Variants in CHST8 observed in about 807,000 individuals in gnomAD.
The protein encoded by CHST8 is carbohydrate sulfotransferase 8.
Under a neutral mutation model 15.0 loss-of-function variants are expected in CHST8, and 10 were observed. That is an observed-to-expected ratio of 0.67 (90% CI 0.41 to 1.13). The LOEUF is 1.13. Ranked by LOEUF, CHST8 falls within the 50% of genes most tolerant of loss-of-function variation. The pLI is 0.00. For synonymous variants in CHST8, 259 were observed against 256.6 expected (o/e 1.01, Z -0.09); for missense variants, 634 against 608.2 (o/e 1.04, Z -0.45).
chr19:33,750,604 AG>A (rs1238342282), intron 3 of CHST8, among the ~76,000 whole-genome samples: 6 of 152,176 alleles, frequency 3.9e-5, no homozygotes, highest in Admixed American at 1.3e-4. Flanking sequence ...GTTTCCCATC[AG>A]GGTCCAGAAG....
chr19:33,736,928 A>T (rs1314227633), intron 3 of CHST8, among the ~76,000 whole-genome samples: 1 of 152,110 alleles, frequency 6.6e-6, no homozygotes, highest in Non-Finnish European at 1.5e-5. Context: ...AACCCGCCAA[A>T]ACCAAAGGTG....
intron 3 of CHST8, among the ~76,000 whole-genome samples, chr19:33,721,609 G>C (rs1263961167): frequency 1.5e-5 from 2 of 135,176 alleles, no homozygotes; most frequent in African/African-American, 5.4e-5. Context: ...TGGATGGATG[G>C]ATGAGTAGGC....
At chr19:33,769,307 T>A (rs532903664) in intron 3 of CHST8, among the ~76,000 whole-genome samples, 1 of 152,348 alleles carries the variant, frequency 6.6e-6, no homozygotes, top group Admixed American at 6.5e-5. Context: ...AAATCTGGCA[T>A]GACTCATTTG....
intron 1 of CHST8, among the ~76,000 whole-genome samples, chr19:33,651,495 C>T (rs1036054561): frequency 2.0e-4 from 30 of 151,930 alleles, no homozygotes; most frequent in Admixed American, 1.8e-3. Context: ...TGCAGCAAAC[C>T]ATGTTAATAT....
At chr19:33,745,682 C>T (rs1175052648) in intron 3 of CHST8, among the ~76,000 whole-genome samples, 1 of 152,248 alleles carries the variant, frequency 6.6e-6, no homozygotes, top group Non-Finnish European at 1.5e-5. Context: ...TTTAGTCTGC[C>T]AGTCCCACAG....
chr19:33,638,631 C>T (rs1972238261), intron 1 of CHST8, among the ~76,000 whole-genome samples: 1 of 152,196 alleles, frequency 6.6e-6, no homozygotes, highest in Non-Finnish European at 1.5e-5. Flanking sequence ...ATTTCAATCA[C>T]AATGTTCTTG....
chr19:33,656,929 C>G (rs1462140453), intron 1 of CHST8, among the ~76,000 whole-genome samples: 1 of 152,104 alleles, frequency 6.6e-6, no homozygotes, highest in Non-Finnish European at 1.5e-5. Flanking sequence ...TTGCTAGTTA[C>G]AGGAATATGT....
intron 1 of CHST8, among the ~76,000 whole-genome samples, chr19:33,654,256 C>A (rs1193312843): frequency 6.6e-6 from 1 of 152,068 alleles, no homozygotes; most frequent in African/African-American, 2.4e-5. Flanking sequence ...TTATTTTACT[C>A]ATTTTATAAT....
Position 33,686,239 on chromosome 19 carries a change from G to A in CHST8, c.-86-2937G>A, listed in dbSNP as rs553641760. Among the ~76,000 whole-genome samples, 16 of 152,322 alleles carry A rather than the reference G, an allele frequency of 1.1e-4. No individual in the cohort carries two copies. The South Asian group carries it at 3.1e-3, about 30-fold the overall frequency. On this transcript the variant is annotated intron_variant, in intron 2 of 4. Coordinates refer to ENST00000650847, the MANE Select transcript of CHST8 (RefSeq NM_001127895.2). ...ACAGATGAAGCTCCACCACCATGGAGGTGTGGTCCTGGGTCTGTGTCTTCT... is the reference window on the plus strand; with the variant it reads ...ACAGATGAAGCTCCACCACCATGGAAGTGTGGTCCTGGGTCTGTGTCTTCT...
intron 1 of CHST8, among the ~76,000 whole-genome samples, chr19:33,627,186 T>G (rs1972067074): frequency 6.7e-6 from 1 of 149,580 alleles, no homozygotes; most frequent in South Asian, 2.1e-4. Flanking sequence ...CTGCAACCTC[T>G]GTCTCCCAGG....
At chr19:33,662,640 A>G (rs568269140) in intron 1 of CHST8, among the ~76,000 whole-genome samples, 2 of 152,300 alleles carry the variant, frequency 1.3e-5, no homozygotes, top group South Asian at 4.1e-4. Context: ...GGTTCCTGGA[A>G]CAAACGGATG....
intron 3 of CHST8, among the ~76,000 whole-genome samples, chr19:33,762,228 C>G (rs866051552): frequency 1.3e-5 from 2 of 152,210 alleles, no homozygotes; most frequent in African/African-American, 4.8e-5. Context: ...AGCTGAGGAT[C>G]TCTCCCTGTA....
At chr19:33,639,745 C>T (rs924825373) in intron 1 of CHST8, among the ~76,000 whole-genome samples, 1 of 151,792 alleles carries the variant, frequency 6.6e-6, no homozygotes, top group Non-Finnish European at 1.5e-5. Context: ...CTGTTGGGGG[C>T]AATTTGGGGT....
intron 2 of CHST8, among the ~76,000 whole-genome samples, chr19:33,684,260 G>GC (rs1972936281): frequency 6.6e-6 from 1 of 152,216 alleles, no homozygotes; most frequent in South Asian, 2.1e-4. Context: ...AGAGCATGGG[G>GC]CTGGGGGGGA....
At position 33,670,452 on chromosome 19, in the gene CHST8, T is replaced by C. The variant is rs568509433; in HGVS notation, c.-87+2609T>C. Among the ~76,000 whole-genome samples the C allele has an allele frequency of 7.4e-4, 113 of 152,346 alleles. 1 individual carries two copies. The highest frequency in any genetic ancestry group is 2.7e-3 in the African/African-American group (111 of 41,578). ...CTCAGCAGACATGATTGAAATAGTT[T>C]TGCAGACACAGCGTAAACATAAAAT... On this transcript the variant is annotated intron_variant, in intron 2 of 4. Transcript: ENST00000650847.
At chr19:33,722,247 TGGGA>T (rs1160278608) in intron 3 of CHST8, among the ~76,000 whole-genome samples, 1 of 134,792 alleles carries the variant, frequency 7.4e-6, no homozygotes, top group African/African-American at 2.9e-5. Context: ...GGATGGAAGG[TGGGA>T]GGGAGGGAGT....
chr19:33,750,501 G>T (rs908965356), intron 3 of CHST8, among the ~76,000 whole-genome samples: 1 of 146,524 alleles, frequency 6.8e-6, no homozygotes, highest in African/African-American at 2.5e-5. Context: ...CCCACACCCC[G>T]CCCCTGTATC....
intron 3 of CHST8, among the ~76,000 whole-genome samples, chr19:33,717,482 C>T (rs1025941349): frequency 7.2e-5 from 11 of 152,086 alleles, no homozygotes; most frequent in East Asian, 5.8e-4. Flanking sequence ...AAAAAGTACA[C>T]GCTCAAGAAA....
intron 3 of CHST8, among the ~76,000 whole-genome samples, chr19:33,742,170 G>A (rs1182759618): frequency 6.6e-6 from 1 of 152,204 alleles, no homozygotes. Flanking sequence ...ACATTCCCAT[G>A]TGTATTTGCC....
Sources: allele counts gnomAD v4.1 joint callset (sites outside exome capture counted in the v4.1 genomes callset), GRCh38; gene constraint gnomAD v4.1.1; transcripts MANE v1.5; gene names NCBI Gene and HGNC (gene_info 2026-07-23, HGNC 2026-07-21).